The following ZNF385D variants were observed in gnomAD, a reference collection of about 807,000 sequenced individuals.
ZNF385D encodes zinc finger protein 385D.
ZNF385D carries 15 observed loss-of-function variants against 35.8 expected under a neutral mutation model. The ratio of observed to expected loss-of-function variants is 0.42; its 90% CI spans 0.28 to 0.64. ZNF385D has a LOEUF of 0.64. Ranked by LOEUF, ZNF385D falls within the 30% of genes least tolerant of loss-of-function variation. The probability of loss-of-function intolerance (pLI) is 0.23; values close to 1 mark genes in which losing one functional copy is unlikely to be tolerated. For synonymous variants in ZNF385D, 212 were observed against 186.8 expected (o/e 1.13, Z -1.10); for missense variants, 474 against 494.6 (o/e 0.96, Z 0.39).
intron 2 of ZNF385D, among the ~76,000 whole-genome samples, chr3:22,285,602 T>A (rs948728214): frequency 7.9e-5 from 12 of 152,148 alleles, no homozygotes; most frequent in African/African-American, 2.9e-4. Context: ...TACATATGTA[T>A]ACATGTGCCA....
chr3:22,297,605 A>C (rs1051308249), intron 2 of ZNF385D, among the ~76,000 whole-genome samples: 1 of 152,100 alleles, frequency 6.6e-6, no homozygotes, highest in Non-Finnish European at 1.5e-5. Context: ...GGAATGAAAT[A>C]GTTGTCTAGA....
upstream of ZNF385D, among the ~76,000 whole-genome samples, chr3:21,754,092 G>C (rs541591489): frequency 1.3e-5 from 2 of 152,292 alleles, no homozygotes; most frequent in South Asian, 4.1e-4. Flanking sequence ...TCATCCACTA[G>C]TGGAAACCTT....
chr3:22,226,062 T>C (rs1229935180), intron 2 of ZNF385D, among the ~76,000 whole-genome samples: 1 of 151,832 alleles, frequency 6.6e-6, no homozygotes, highest in African/African-American at 2.4e-5. Context: ...ACTGTAGGAC[T>C]CAACATGAAA....
At chr3:22,075,033 A>G (rs1354637871) in intron 3 of ZNF385D, among the ~76,000 whole-genome samples, 2 of 152,036 alleles carry the variant, frequency 1.3e-5, no homozygotes, top group South Asian at 2.1e-4. Flanking sequence ...TATTAACTAC[A>G]TATTTGAAAC....
At chr3:22,281,784 CT>C (rs1701756232) in intron 2 of ZNF385D, among the ~76,000 whole-genome samples, 1 of 152,010 alleles carries the variant, frequency 6.6e-6, no homozygotes, top group Non-Finnish European at 1.5e-5. Context: ...TTCCCTCTTT[CT>C]CTATCTTGTG....
chr3:22,352,091 T>C (rs764196498), intron 2 of ZNF385D, among the ~76,000 whole-genome samples: 1 of 152,100 alleles, frequency 6.6e-6, no homozygotes, highest in Non-Finnish European at 1.5e-5. Flanking sequence ...TCTCCAGCAA[T>C]ATGATGGGTA....
intron 3 of ZNF385D, among the ~76,000 whole-genome samples, chr3:22,064,180 T>C (rs571326841): frequency 2.0e-5 from 3 of 152,316 alleles, no homozygotes; most frequent in East Asian, 3.9e-4. Context: ...TTGTCTTTCA[T>C]GGTGATTAGC....
intron 2 of ZNF385D, among the ~76,000 whole-genome samples, chr3:22,180,430 T>C (rs751597162): frequency 6.6e-6 from 1 of 152,202 alleles, no homozygotes; most frequent in South Asian, 2.1e-4. Flanking sequence ...CCCTAACTCA[T>C]TTTATGAGGC....
At chr3:21,874,539 T>A (rs1011661548) in intron 3 of ZNF385D, among the ~76,000 whole-genome samples, 5 of 152,102 alleles carry the variant, frequency 3.3e-5, no homozygotes. Context: ...TATGTGGGCT[T>A]TCTATTCCTT....
chr3:21,703,910 T>C (rs777606901), intron 1 of ZNF385D, among the ~76,000 whole-genome samples: 2 of 152,206 alleles, frequency 1.3e-5, no homozygotes, highest in Admixed American at 1.3e-4. Flanking sequence ...TATGCAAGTA[T>C]TCCTTTAAGA....
intron 3 of ZNF385D, among the ~76,000 whole-genome samples, chr3:21,833,378 C>T (rs949466320): frequency 3.9e-5 from 6 of 152,126 alleles, no homozygotes; most frequent in African/African-American, 1.2e-4. Context: ...CCTGCATTAT[C>T]CAGATGGACC....
chr3:21,923,977 A>C (rs531804506), intron 3 of ZNF385D, among the ~76,000 whole-genome samples: 1 of 152,342 alleles, frequency 6.6e-6, no homozygotes, highest in Admixed American at 6.5e-5. Flanking sequence ...GGAATAAAAT[A>C]AAGTAAAATG....
At chr3:22,108,742 G>A (rs914347973) in intron 3 of ZNF385D, among the ~76,000 whole-genome samples, 1 of 152,192 alleles carries the variant, frequency 6.6e-6, no homozygotes, top group African/African-American at 2.4e-5. Flanking sequence ...GCTAGGTGCA[G>A]TGGCTCATGC....
intron 2 of ZNF385D, among the ~76,000 whole-genome samples, chr3:22,242,500 A>C (rs558949390): frequency 6.6e-6 from 1 of 150,984 alleles, no homozygotes. Context: ...CCCGAAATCA[A>C]TAATTCCAAT....
At chr3:22,315,331 T>G (rs1559515073) in intron 2 of ZNF385D, among the ~76,000 whole-genome samples, 1 of 152,162 alleles carries the variant, frequency 6.6e-6, no homozygotes, top group Non-Finnish European at 1.5e-5. Context: ...CAGGCAGAGA[T>G]GAACATGGAG....
rs144285360 is a variant in ZNF385D, at chr3:22,018,184, C to T, written c.325+150633G>A. ...CTCTGTGTTTTAATTTTTAAAGATG[C>T]GCAGTATCAATTTCTCTAGTTAGAA... On this transcript the variant is annotated intron_variant, in intron 3 of 5. Coordinates refer to the ZNF385D transcript ENST00000494108. 5.9e-3 allele frequency among the ~76,000 whole-genome samples: 898 copies of T among 151,326 alleles called. 9 individuals carry two copies. Among genetic ancestry groups the T allele is most frequent in the African/African-American group, 0.019 (784 of 41,370 alleles).
At chr3:21,504,320 T>A (rs1706611675) in intron 4 of ZNF385D, among the ~76,000 whole-genome samples, 1 of 152,112 alleles carries the variant, frequency 6.6e-6, no homozygotes, top group Non-Finnish European at 1.5e-5. Context: ...TTAATAAAAC[T>A]TGCAACTCTG....
intron 1 of ZNF385D, among the ~76,000 whole-genome samples, chr3:21,750,212 G>A (rs887862904): frequency 1.3e-5 from 2 of 152,208 alleles, no homozygotes; most frequent in African/African-American, 2.4e-5. Flanking sequence ...CTGATAGCTC[G>A]GATCCAAGCC....
intron 2 of ZNF385D, among the ~76,000 whole-genome samples, chr3:22,237,004 A>C (rs1362257542): frequency 1.3e-5 from 2 of 152,146 alleles, no homozygotes; most frequent in Admixed American, 1.3e-4. Flanking sequence ...TATGTATAAG[A>C]ATTTACGTGA....
Sources: allele counts gnomAD v4.1 joint callset (sites outside exome capture counted in the v4.1 genomes callset), GRCh38; gene constraint gnomAD v4.1.1; transcripts MANE v1.5; gene names NCBI Gene and HGNC (gene_info 2026-07-23, HGNC 2026-07-21).